Variants in MARCHF1 observed in about 807,000 individuals in gnomAD.
MARCHF1 encodes E3 ubiquitin-protein ligase MARCHF1.
MARCHF1 carries 40 observed loss-of-function variants against 54.2 expected under a neutral mutation model. That is an observed-to-expected ratio of 0.74 (90% CI 0.57 to 0.96). The LOEUF is 0.96. Ranked by LOEUF, MARCHF1 falls within the 40% of genes least tolerant of loss-of-function variation. The pLI is 0.00. For synonymous variants in MARCHF1, 236 were observed against 236.3 expected (o/e 1.00, Z 0.01); for missense variants, 586 against 656.5 (o/e 0.89, Z 1.17).
chr4:163,895,868 T>C (rs540463691), intron 3 of MARCHF1, among the ~76,000 whole-genome samples: 130 of 152,186 alleles, frequency 8.5e-4, no homozygotes, highest in Admixed American at 1.2e-3. Flanking sequence ...CTTATGACTC[T>C]CTCATTTGCT....
intron 1 of MARCHF1, among the ~76,000 whole-genome samples, chr4:164,219,141 G>A (rs562186273): frequency 6.6e-5 from 10 of 152,058 alleles, no homozygotes; most frequent in Non-Finnish European, 1.0e-4. Flanking sequence ...CAGCTGTCTC[G>A]GTTTGGGCAT....
At chr4:164,018,407 A>G (rs1753591728) in intron 2 of MARCHF1, among the ~76,000 whole-genome samples, 1 of 151,956 alleles carries the variant, frequency 6.6e-6, no homozygotes, top group Non-Finnish European at 1.5e-5. Flanking sequence ...GATTATATCT[A>G]TATATTTATA....
At chr4:163,986,422 A>G (rs541353643) in intron 3 of MARCHF1, among the ~76,000 whole-genome samples, 15 of 150,192 alleles carry the variant, frequency 1.0e-4, no homozygotes, top group Admixed American at 6.6e-4. Flanking sequence ...CCACCACCAC[A>G]CCCGGCTAAT....
chr4:164,292,341 T>TC lies in MARCHF1; in HGVS notation c.-323+91528dup, dbSNP rs1371593671. Among the ~76,000 whole-genome samples, 10 of 152,278 alleles carry TC rather than the reference T, an allele frequency of 6.6e-5. No homozygotes were observed. The East Asian group carries it at 1.9e-3, about 29-fold the overall frequency. On this transcript the variant is annotated intron_variant, in intron 1 of 9. Coordinates refer to ENST00000514618, the MANE Select transcript of MARCHF1 (RefSeq NM_001394959.1). Reference sequence around the variant, plus strand: ...GTGATAAATGGTTATGCGTTTTTTTTCATACAGAATTTTCTTCCAGGCCAC... The same window carrying TC: ...GTGATAAATGGTTATGCGTTTTTTTTCCATACAGAATTTTCTTCCAGGCCAC...
intron 2 of MARCHF1, among the ~76,000 whole-genome samples, chr4:164,012,325 G>A (rs567039778): frequency 6.6e-6 from 1 of 152,084 alleles, no homozygotes; most frequent in Non-Finnish European, 1.5e-5. Context: ...ACAGAAGACT[G>A]TATCTTGCAA....
At chr4:163,715,709 T>C (rs1423117644) in intron 4 of MARCHF1, among the ~76,000 whole-genome samples, 1 of 151,290 alleles carries the variant, frequency 6.6e-6, no homozygotes, top group Non-Finnish European at 1.5e-5. Flanking sequence ...GACATCTGAA[T>C]TTCTCATAAT....
chr4:163,604,385 T>G (rs1439217985), intron 7 of MARCHF1, among the ~76,000 whole-genome samples: 2 of 152,260 alleles, frequency 1.3e-5, no homozygotes, highest in Non-Finnish European at 2.9e-5. Context: ...ATCAGAAACC[T>G]GAAAGCCGAT....
At chr4:163,661,802 T>G (rs1743351614) in intron 5 of MARCHF1, among the ~76,000 whole-genome samples, 2 of 152,080 alleles carry the variant, frequency 1.3e-5, no homozygotes, top group Admixed American at 6.6e-5. Context: ...CAACTGCTGA[T>G]TTCTTCCTGT....
At chr4:164,150,811 C>T (rs1729914402) in intron 1 of MARCHF1, among the ~76,000 whole-genome samples, 1 of 152,072 alleles carries the variant, frequency 6.6e-6, no homozygotes, top group South Asian at 2.1e-4. Context: ...TACTAATGTC[C>T]AGAATCTAGA....
At chr4:163,993,537 G>A (rs1245415878) in intron 2 of MARCHF1, among the ~76,000 whole-genome samples, 1 of 152,110 alleles carries the variant, frequency 6.6e-6, no homozygotes, top group African/African-American at 2.4e-5. Flanking sequence ...AAGTTGAGCA[G>A]ATTACAACAT....
intron 4 of MARCHF1, among the ~76,000 whole-genome samples, chr4:163,834,421 A>G (rs572410694): frequency 3.1e-4 from 47 of 152,334 alleles, no homozygotes; most frequent in African/African-American, 1.1e-3. Context: ...ATAAGAAAAT[A>G]AAGCTGTTTT....
At chr4:164,092,395 A>G (rs1030430116) in intron 2 of MARCHF1, among the ~76,000 whole-genome samples, 2 of 152,136 alleles carry the variant, frequency 1.3e-5, no homozygotes, top group Admixed American at 6.6e-5. Context: ...CATGTACCCC[A>G]TCATTCAGTG....
In MARCHF1 at chr4:163,870,444, G is replaced by A. The variant is rs1425666821; in HGVS notation, c.-38-16275C>T. 2.6e-5 allele frequency among the ~76,000 whole-genome samples: 4 copies of A among 152,040 alleles called. No individual in the cohort carries two copies. The East Asian group carries it at 7.7e-4, about 29-fold the overall frequency. On this transcript the variant is annotated intron_variant, in intron 3 of 9. Coordinates refer to ENST00000514618, the MANE Select transcript of MARCHF1 (RefSeq NM_001394959.1). Reference sequence around the variant, plus strand: ...TACAAGTTTTCTGTTTGGTTTGTTGGCATATTATGAATTATGTTTTATATA... The same window carrying A: ...TACAAGTTTTCTGTTTGGTTTGTTGACATATTATGAATTATGTTTTATATA...
At chr4:164,058,473 C>T (rs553082695) in intron 2 of MARCHF1, among the ~76,000 whole-genome samples, 1 of 152,208 alleles carries the variant, frequency 6.6e-6, no homozygotes, top group African/African-American at 2.4e-5. Context: ...GGGATTCATG[C>T]TCAGAAGGCG....
chr4:163,793,648 G>A (rs557143292), intron 4 of MARCHF1, among the ~76,000 whole-genome samples: 5 of 152,080 alleles, frequency 3.3e-5, no homozygotes, highest in Admixed American at 6.6e-5. Flanking sequence ...CAGACAGCCC[G>A]GCGCCATACC....
intron 1 of MARCHF1, among the ~76,000 whole-genome samples, chr4:164,249,969 A>G (rs1468949091): frequency 2.0e-5 from 3 of 152,136 alleles, no homozygotes; most frequent in Non-Finnish European, 2.9e-5. Context: ...ATACATTTCT[A>G]TGCATATTAC....
chr4:164,201,710 G>C (rs975653376), intron 1 of MARCHF1, among the ~76,000 whole-genome samples: 2 of 152,168 alleles, frequency 1.3e-5, no homozygotes, highest in Non-Finnish European at 2.9e-5. Context: ...TACTTGGTTT[G>C]AGCAGCTAGA....
At chr4:163,721,441 T>C (rs150935580) in intron 4 of MARCHF1, among the ~76,000 whole-genome samples, 3,700 of 152,254 alleles carry the variant, frequency 0.024, 57 homozygotes, top group Non-Finnish European at 0.029. Context: ...CAGTATTTTA[T>C]TGAGGATTTT....
chr4:163,875,006 T>C (rs1334868356), intron 3 of MARCHF1, among the ~76,000 whole-genome samples: 1 of 152,184 alleles, frequency 6.6e-6, no homozygotes. Flanking sequence ...TTGAGTACTT[T>C]TTATATGCAA....
Sources: allele counts gnomAD v4.1 joint callset (sites outside exome capture counted in the v4.1 genomes callset), GRCh38; gene constraint gnomAD v4.1.1; transcripts MANE v1.5; gene names NCBI Gene and HGNC (gene_info 2026-07-23, HGNC 2026-07-21).